Variants in FBXL17 observed in about 807,000 individuals in gnomAD.
The protein encoded by FBXL17 is F-box and leucine rich repeat protein 17.
In FBXL17, 22 loss-of-function variants were observed where a neutral mutation model predicts 66.2. That is an observed-to-expected ratio of 0.33 (90% CI 0.24 to 0.47). The LOEUF (loss-of-function observed/expected upper bound fraction) is 0.47. Ranked by LOEUF, FBXL17 falls within the 20% of genes least tolerant of loss-of-function variation. The pLI, the probability that FBXL17 is intolerant of heterozygous loss-of-function variation, is 1.00. For missense variants in FBXL17, 878 were observed against 948.2 expected (o/e 0.93, Z 0.97); for synonymous variants, 474 against 400.5 (o/e 1.18, Z -2.19).
chr5:108,380,929 G>T lies in FBXL17; in HGVS notation c.763C>A (p.Pro255Thr). ...AGCCQAPEQP[P>T]QPLCPPPSSP... Reference sequence around the variant, plus strand: ...GAGGGCGGAGGGCAGAGCGGCTGCGGGGGCTGCTCCGGGGCCTGGCAGCAG... The same window carrying T: ...GAGGGCGGAGGGCAGAGCGGCTGCGTGGGCTGCTCCGGGGCCTGGCAGCAG... Residue 255 changes from proline to threonine, a missense_variant, in exon 1 of 9, where the codon CCG becomes ACG. This residue lies in a region of FBXL17 where 605 missense variants were observed against 509.5 expected (regional missense o/e 1.19). Coordinates refer to ENST00000542267, the MANE Select transcript of FBXL17 (RefSeq NM_001163315.3). The T allele has an allele frequency of 1.6e-6, 2 of 1,223,158 alleles. No individual in the cohort carries two copies. Among genetic ancestry groups the T allele is most frequent in the Non-Finnish European group, 2.0e-6 (2 of 979,782 alleles). The allele number at this position is 1,223,158 out of a possible 1,614,324, so 75.8% of individuals were successfully genotyped here. A position where few individuals can be genotyped will look rare whatever the true frequency, so the allele number is the denominator to read the frequency against.
At chr5:108,364,291 AG>A (rs1748522641) in intron 3 of FBXL17, among the ~76,000 whole-genome samples, 1 of 152,098 alleles carries the variant, frequency 6.6e-6, no homozygotes, top group East Asian at 1.9e-4. Context: ...TGTACCAAAT[AG>A]AGGTAATTAG....
intron 6 of FBXL17, among the ~76,000 whole-genome samples, chr5:108,169,957 A>G (rs1178225247): frequency 2.0e-5 from 3 of 152,212 alleles, no homozygotes; most frequent in Non-Finnish European, 4.4e-5. Flanking sequence ...GCTGTTAACA[A>G]TGTAACATTC....
At chr5:108,059,288 G>T (rs144358180) in intron 6 of FBXL17, among the ~76,000 whole-genome samples, 11 of 152,296 alleles carry the variant, frequency 7.2e-5, no homozygotes, top group African/African-American at 2.6e-4. Context: ...ACAAGAAACA[G>T]TTCCAAGGAG....
chr5:108,161,003 C>T (rs1003317630), intron 6 of FBXL17, among the ~76,000 whole-genome samples: 4 of 152,108 alleles, frequency 2.6e-5, no homozygotes, highest in African/African-American at 9.7e-5. Flanking sequence ...GTTCCCAAGC[C>T]TTTAAGCCTC....
intron 6 of FBXL17, among the ~76,000 whole-genome samples, chr5:108,140,275 G>A (rs1751301263): frequency 6.6e-6 from 1 of 152,066 alleles, no homozygotes; most frequent in Non-Finnish European, 1.5e-5. Flanking sequence ...CCAACTCCTG[G>A]GGTCAAGTGA....
At chr5:107,977,253 T>C (rs1752615624) in intron 7 of FBXL17, among the ~76,000 whole-genome samples, 1 of 152,170 alleles carries the variant, frequency 6.6e-6, no homozygotes, top group Non-Finnish European at 1.5e-5. Context: ...TATCTCTGAG[T>C]TATCATTTAT....
At chr5:107,908,398 C>T (rs1749833268) in intron 7 of FBXL17, among the ~76,000 whole-genome samples, 1 of 152,084 alleles carries the variant, frequency 6.6e-6, no homozygotes, top group Non-Finnish European at 1.5e-5. Flanking sequence ...AGGCACAATC[C>T]TTAGGCCTGG....
At chr5:108,017,316 C>T (rs569038584) in intron 7 of FBXL17, among the ~76,000 whole-genome samples, 3 of 152,292 alleles carry the variant, frequency 2.0e-5, no homozygotes, top group South Asian at 4.1e-4. Context: ...TCTTGTTTAG[C>T]TAGCTTAGCT....
chr5:108,300,345 T>C (rs1758532115), intron 4 of FBXL17, among the ~76,000 whole-genome samples: 1 of 151,948 alleles, frequency 6.6e-6, no homozygotes, highest in Non-Finnish European at 1.5e-5. Flanking sequence ...TCTACTTCTA[T>C]ATTTAGTTCA....
At chr5:107,913,733 T>C (rs908656378) in intron 7 of FBXL17, among the ~76,000 whole-genome samples, 7 of 152,238 alleles carry the variant, frequency 4.6e-5, no homozygotes, top group Admixed American at 1.3e-4. Flanking sequence ...CTTAGCTTCG[T>C]CAACAATATG....
intron 4 of FBXL17, among the ~76,000 whole-genome samples, chr5:108,250,618 G>C (rs72791253): frequency 3.1e-4 from 47 of 152,156 alleles, no homozygotes; most frequent in Admixed American, 1.2e-3. Context: ...ACAAACTCTA[G>C]TGGCATTTAA....
chr5:108,100,673 C>T (rs1329933037), intron 6 of FBXL17, among the ~76,000 whole-genome samples: 1 of 150,686 alleles, frequency 6.6e-6, no homozygotes, highest in East Asian at 1.9e-4. Flanking sequence ...GCATATGTTT[C>T]TATTACCCAA....
intron 7 of FBXL17, among the ~76,000 whole-genome samples, chr5:108,015,661 C>T (rs950704033): frequency 6.6e-6 from 1 of 152,064 alleles, no homozygotes; most frequent in Non-Finnish European, 1.5e-5. Context: ...AAAGGGATAC[C>T]GGGGTAACCC....
intron 4 of FBXL17, among the ~76,000 whole-genome samples, chr5:108,297,217 G>A (rs867494383): frequency 7.3e-5 from 11 of 151,458 alleles, no homozygotes; most frequent in Admixed American, 4.6e-4. Flanking sequence ...ATATAGCAAA[G>A]TTAGAAACTT....
intron 7 of FBXL17, among the ~76,000 whole-genome samples, chr5:108,012,795 C>T (rs1736872437): frequency 6.6e-6 from 1 of 152,152 alleles, no homozygotes; most frequent in African/African-American, 2.4e-5. Context: ...GCAGGCGGAT[C>T]ACCTGATGTT....
rs1233810450 is a variant in FBXL17 at position 107,941,129 on chromosome 5, AC to A, written c.1823-59951del. 8.5e-4 allele frequency among the ~76,000 whole-genome samples: 127 copies of A among 148,566 alleles called. 2 individuals carry two copies. The Middle Eastern group carries it at 0.014, about 16-fold the overall frequency. ...GGTTAAATCAAGTGAAAAAAAAAAA[AC>A]CCCACACACTTTTTTCTGCGATTAC... On this transcript the variant is annotated intron_variant, in intron 7 of 8. Transcript: ENST00000542267.
At chr5:107,877,963 TA>T (rs1174059031) in intron 8 of FBXL17, among the ~76,000 whole-genome samples, 1 of 152,194 alleles carries the variant, frequency 6.6e-6, no homozygotes, top group African/African-American at 2.4e-5. Context: ...TTTTCACTAT[TA>T]TTTTGTTACT....
intron 5 of FBXL17, among the ~76,000 whole-genome samples, chr5:108,188,989 T>C (rs1350870842): frequency 6.6e-6 from 1 of 152,220 alleles, no homozygotes; most frequent in East Asian, 1.9e-4. Context: ...CTGTGCTTTC[T>C]TCCTTTCCAA....
chr5:108,376,238 T>C (rs866807566), intron 1 of FBXL17, among the ~76,000 whole-genome samples: 1 of 152,188 alleles, frequency 6.6e-6, no homozygotes, highest in African/African-American at 2.4e-5. Context: ...TTCTGCATCA[T>C]GACTTCTATG....
Sources: gnomAD v4.1 joint callset for allele counts (sites outside exome capture counted in the v4.1 genomes callset) on GRCh38, gnomAD v4.1.1 for gene constraint, gnomAD v4.1.1 regional missense constraint, MANE v1.5 for transcripts, NCBI Gene and HGNC (gene_info 2026-07-23, HGNC 2026-07-21) for gene names.